MCC: variants seen among roughly 807,000 people sequenced by gnomAD.
MCC encodes the protein colorectal mutant cancer protein.
In MCC, 90 loss-of-function variants were observed where a neutral mutation model predicts 116.2. The ratio of observed to expected loss-of-function variants is 0.77; its 90% CI spans 0.65 to 0.92. The LOEUF (loss-of-function observed/expected upper bound fraction) is 0.92, where lower values mean the gene tolerates loss of function less well. Ranked by LOEUF, MCC falls within the 40% of genes least tolerant of loss-of-function variation. The pLI, the probability that MCC is intolerant of heterozygous loss-of-function variation, is 0.00. For missense variants in MCC, 1,516 were observed against 1,312.2 expected (o/e 1.16, Z -2.40); for synonymous variants, 578 against 510.5 (o/e 1.13, Z -1.78).
Position 113,053,715 on chromosome 5 carries a change from C to A in MCC, c.2448+10G>T. On this transcript the variant is annotated intron_variant, in intron 15 of 18. Transcript: ENST00000408903. ...GGCAGCCTAGCACATGGGACCCACC[C>A]ACCACATACCTTCATGGCCATGAGC... The A allele has an allele frequency of 6.3e-7, 1 of 1,592,140 alleles. No individual in the cohort carries two copies. Among genetic ancestry groups the A allele is most frequent in the Non-Finnish European group, 8.6e-7 (1 of 1,161,506 alleles).
At chr5:113,433,305 C>T in intron 1 of MCC, 1 of 261,094 alleles carries the variant, frequency 3.8e-6, no homozygotes, top group South Asian at 4.1e-5. Context: ...CCCTGACCCT[C>T]AGTCTGGCCC....
rs1489109748 is a variant in MCC, at chr5:113,025,233, G to C, written c.*2069C>G. 1 of 138,122 alleles carries C rather than the reference G, an allele frequency of 7.2e-6. No homozygotes were observed. The highest frequency in any genetic ancestry group is 1.6e-5 in the Non-Finnish European group (1 of 62,580). 8.6% of individuals were successfully genotyped at this position (138,122 alleles called of 1,614,324 possible). ...TTTCCCTAGGCAAGCTGGAAAAATAGTGAAAACTGATTTTTTTTTTTTTGG... is the reference window on the plus strand; with the variant it reads ...TTTCCCTAGGCAAGCTGGAAAAATACTGAAAACTGATTTTTTTTTTTTTGG... On this transcript the variant is annotated 3_prime_UTR_variant, in exon 19 of 19. Transcript: ENST00000408903.
chr5:113,170,233 G>A (rs188268354), intron 3 of MCC, among the ~76,000 whole-genome samples: 9 of 152,218 alleles, frequency 5.9e-5, no homozygotes, highest in Admixed American at 3.3e-4. Context: ...TTTTAAACAA[G>A]GACAGATGGA....
At chr5:113,321,758 T>C (rs1767427707) in intron 3 of MCC, among the ~76,000 whole-genome samples, 1 of 152,188 alleles carries the variant, frequency 6.6e-6, no homozygotes. Flanking sequence ...TGAATACAAA[T>C]CCCAGAGAGC....
chr5:113,402,122 G>A (rs903178938), intron 1 of MCC, among the ~76,000 whole-genome samples: 6 of 151,792 alleles, frequency 4.0e-5, no homozygotes, highest in Non-Finnish European at 5.9e-5. Context: ...GTGGAATCCC[G>A]TCTCTACTAA....
At chr5:113,112,146 G>A (rs1295100392) in intron 6 of MCC, among the ~76,000 whole-genome samples, 3 of 152,288 alleles carry the variant, frequency 2.0e-5, no homozygotes, top group South Asian at 2.1e-4. Context: ...CCAAAAGCAC[G>A]TGTTCCTGGG....
In MCC at chr5:113,111,757, T is replaced by A. The variant is rs146897375; in HGVS notation, c.1028-7402A>T. Among the ~76,000 whole-genome samples the A allele has an allele frequency of 1.4e-3, 210 of 152,310 alleles. 1 individual carries two copies. The highest frequency in any genetic ancestry group is 4.9e-3 in the African/African-American group (203 of 41,552). On this transcript the variant is annotated intron_variant, in intron 6 of 18. Transcript: ENST00000408903. ...ATTTTCCAGGAACCTATCAACGACGTTGAGGACTTACTATACTTTGGAAAT... is the reference window on the plus strand; with the variant it reads ...ATTTTCCAGGAACCTATCAACGACGATGAGGACTTACTATACTTTGGAAAT...
rs137915730 is a variant in MCC, at chr5:113,143,776, C to A, written c.742-416G>T. Among the ~76,000 whole-genome samples, 70 of 152,314 alleles carry A rather than the reference C, an allele frequency of 4.6e-4. 1 individual carries two copies. In the East Asian group the frequency reaches 0.013, roughly 28 times the overall value. On this transcript the variant is annotated intron_variant, in intron 4 of 18. Transcript: ENST00000408903. Reference sequence around the variant, plus strand: ...AGTTGATTCAGAAAGCCTTGAAGAGCATCTCTCTTAGTTCCTGCTACCTAC... The same window carrying A: ...AGTTGATTCAGAAAGCCTTGAAGAGAATCTCTCTTAGTTCCTGCTACCTAC...
intron 6 of MCC, among the ~76,000 whole-genome samples, chr5:113,108,861 C>A (rs995496599): frequency 1.3e-5 from 2 of 152,124 alleles, no homozygotes; most frequent in African/African-American, 4.8e-5. Flanking sequence ...CCACAAACTC[C>A]AGTTTGTGCT....
chr5:113,184,633 C>T (rs1427605109), intron 3 of MCC, among the ~76,000 whole-genome samples: 1 of 151,836 alleles, frequency 6.6e-6, no homozygotes, highest in African/African-American at 2.4e-5. Context: ...CAGCTTATAG[C>T]AGTTTGGTTT....
intron 1 of MCC, among the ~76,000 whole-genome samples, chr5:113,451,036 C>A (rs1298428050): frequency 6.6e-6 from 1 of 152,180 alleles, no homozygotes; most frequent in Non-Finnish European, 1.5e-5. Context: ...CTTTCCTTTT[C>A]CACAATTGCA....
intron 3 of MCC, among the ~76,000 whole-genome samples, chr5:113,278,535 GT>G: frequency 6.6e-6 from 1 of 152,276 alleles, no homozygotes; most frequent in East Asian, 1.9e-4. Context: ...GTTTTCCAAG[GT>G]AACTAACATT....
intron 17 of MCC, among the ~76,000 whole-genome samples, chr5:113,040,790 A>T (rs1174555142): frequency 6.6e-6 from 1 of 152,180 alleles, no homozygotes; most frequent in Non-Finnish European, 1.5e-5. Flanking sequence ...TCTTGATTAG[A>T]AATCCATGCT....
intron 1 of MCC, among the ~76,000 whole-genome samples, chr5:113,483,797 G>A (rs1244548657): frequency 1.3e-5 from 2 of 151,914 alleles, no homozygotes; most frequent in Admixed American, 6.6e-5. Flanking sequence ...CAACCTAAAT[G>A]CCCACTGATG....
chr5:113,332,773 C>T (rs1225306718), intron 3 of MCC, among the ~76,000 whole-genome samples: 1 of 151,624 alleles, frequency 6.6e-6, no homozygotes, highest in African/African-American at 2.4e-5. Context: ...ACTTACCGAT[C>T]TTCTGCAAAT....
At chr5:113,391,332 G>A (rs1287728875) in intron 1 of MCC, among the ~76,000 whole-genome samples, 1 of 152,158 alleles carries the variant, frequency 6.6e-6, no homozygotes, top group Non-Finnish European at 1.5e-5. Flanking sequence ...TAGCCAGCCA[G>A]TGTGATGAAT....
At chr5:113,108,331 TAAAAAAAAAA>T (rs56780207) in intron 6 of MCC, among the ~76,000 whole-genome samples, 6 of 42,770 alleles carry the variant, frequency 1.4e-4, no homozygotes, top group Admixed American at 3.9e-4. Context: ...CACTCTATCT[TAAAAAAAAAA>T]AAAAAAAAAA....
chr5:113,183,743 G>T (rs1291509300), intron 3 of MCC, among the ~76,000 whole-genome samples: 1 of 152,196 alleles, frequency 6.6e-6, no homozygotes, highest in East Asian at 1.9e-4. Flanking sequence ...AGTCCAGAGG[G>T]ATGGGAACTA....
chr5:113,206,794 T>C (rs567949165), intron 3 of MCC, among the ~76,000 whole-genome samples: 2 of 152,350 alleles, frequency 1.3e-5, no homozygotes, highest in South Asian at 4.1e-4. Flanking sequence ...GTAAATTAGG[T>C]AATTTATTTT....
Sources: gnomAD v4.1 joint callset for allele counts (sites outside exome capture counted in the v4.1 genomes callset) on GRCh38, gnomAD v4.1.1 for gene constraint, MANE v1.5 for transcripts, NCBI Gene and HGNC (gene_info 2026-07-23, HGNC 2026-07-21) for gene names.